ADGRL3: variants seen among roughly 807,000 people sequenced by gnomAD.
ADGRL3 encodes calcium-independent alpha-latrotoxin receptor 3.
A neutral mutation model predicts 153.5 loss-of-function variants in ADGRL3; 62 were observed. The ratio of observed to expected loss-of-function variants is 0.40; its 90% CI spans 0.33 to 0.50. The LOEUF (loss-of-function observed/expected upper bound fraction) is 0.50. Among genes scored for constraint, ADGRL3 ranks in the 20% least tolerant of loss-of-function variants. The pLI is 0.47. For synonymous variants in ADGRL3, 710 were observed against 672.5 expected (o/e 1.06, Z -0.86); for missense variants, 1,641 against 1,859.4 (o/e 0.88, Z 2.16).
chr4:61,246,256 T>A (rs919090223), intron 1 of ADGRL3, among the ~76,000 whole-genome samples: 9 of 151,972 alleles, frequency 5.9e-5, no homozygotes, highest in Non-Finnish European at 1.5e-5. Context: ...AAAGCCCAAG[T>A]CCCTTATTAC....
At chr4:61,766,891 C>G (rs2096989509) in intron 8 of ADGRL3, among the ~76,000 whole-genome samples, 1 of 152,066 alleles carries the variant, frequency 6.6e-6, no homozygotes, top group African/African-American at 2.4e-5. Flanking sequence ...TGATGAGGCG[C>G]AGATCCTGAA....
At position 61,936,060 on chromosome 4, in the gene ADGRL3, A is replaced by T; in HGVS notation, c.2419+15A>T. 6.2e-7 allele frequency: 1 copy of T among 1,608,934 alleles called. No homozygotes were observed. Among genetic ancestry groups the T allele is most frequent in the Non-Finnish European group, 8.5e-7 (1 of 1,177,522 alleles). On this transcript the variant is annotated intron_variant, in intron 15 of 26. Coordinates refer to ENST00000683033, the MANE Select transcript of ADGRL3 (RefSeq NM_001387552.1). ...TGGCCGAAATGGTAGGTTAGAGTTT[A>T]TTTTTTAAGCTTGAGGGAATTGAAC... is the stretch of plus-strand genomic sequence containing the variant.
intron 2 of ADGRL3, among the ~76,000 whole-genome samples, chr4:61,417,725 AG>A (rs2097160223): frequency 6.6e-6 from 1 of 151,056 alleles, no homozygotes; most frequent in Non-Finnish European, 1.5e-5. Flanking sequence ...TCACTTTTAG[AG>A]GAGGTGCATA....
At chr4:61,378,427 G>C (rs2096629948) in intron 1 of ADGRL3, among the ~76,000 whole-genome samples, 1 of 151,924 alleles carries the variant, frequency 6.6e-6, no homozygotes, top group Admixed American at 6.6e-5. Context: ...GTGCATTTAG[G>C]ACTAAACTTT....
chr4:61,448,049 A>G (rs2097608198), intron 2 of ADGRL3, among the ~76,000 whole-genome samples: 1 of 152,188 alleles, frequency 6.6e-6, no homozygotes, highest in African/African-American at 2.4e-5. Context: ...ATAGATGAGT[A>G]TAGTGAAAGT....
At chr4:61,717,753 G>A (rs1161410588) in intron 6 of ADGRL3, among the ~76,000 whole-genome samples, 1 of 152,008 alleles carries the variant, frequency 6.6e-6, no homozygotes, top group African/African-American at 2.4e-5. Context: ...GCATAATGGG[G>A]CTGGGCATTG....
At chr4:61,227,512 A>G (rs1219387957) in intron 1 of ADGRL3, among the ~76,000 whole-genome samples, 3 of 152,134 alleles carry the variant, frequency 2.0e-5, no homozygotes, top group East Asian at 1.9e-4. Context: ...CCCAGCCCTC[A>G]TTTTCTCATT....
chr4:61,542,981 A>G (rs1012621388), intron 4 of ADGRL3, among the ~76,000 whole-genome samples: 5 of 151,974 alleles, frequency 3.3e-5, no homozygotes, highest in African/African-American at 1.2e-4. Context: ...CCCATCTTCC[A>G]CTTTTCTTTA....
rs115831269 is a variant in ADGRL3 at position 61,595,758 on chromosome 4, C to T, written c.473+8318C>T. 5.5e-3 allele frequency among the ~76,000 whole-genome samples: 833 copies of T among 152,248 alleles called. 13 individuals are homozygous for T. Among genetic ancestry groups the T allele is most frequent in the African/African-American group, 0.019 (788 of 41,558 alleles). On this transcript the variant is annotated intron_variant, in intron 5 of 26. Transcript: ENST00000683033. ...TTGCAGTCCTTGTGTCCCAAATCTC[C>T]TTTCAAGTTTACCTAGGACCCCAGA...
chr4:62,072,217 A>AT lies in ADGRL3; in HGVS notation c.*1316dup, dbSNP rs1745894395. 1 of 152,644 alleles carries AT rather than the reference A, an allele frequency of 6.6e-6. No homozygotes were observed. Among genetic ancestry groups the AT allele is most frequent in the East Asian group, 1.9e-4 (1 of 5,176 alleles). The allele number at this position is 152,644 out of a possible 1,614,324, so 9.5% of individuals were successfully genotyped here. On this transcript the variant is annotated 3_prime_UTR_variant, in exon 27 of 27. Transcript: ENST00000683033. ...TGGAAGGTCAAATTATTTTGAAGTG[A>AT]TTTTTTTAAAAAAAAGTCTTCTGTT...
At chr4:61,736,248 A>G (rs1170231712) in intron 8 of ADGRL3, among the ~76,000 whole-genome samples, 1 of 152,132 alleles carries the variant, frequency 6.6e-6, no homozygotes, top group African/African-American at 2.4e-5. Flanking sequence ...TGTGAACATA[A>G]GGAAAATTAT....
At chr4:61,640,240 A>T (rs2093605103) in intron 5 of ADGRL3, among the ~76,000 whole-genome samples, 1 of 152,146 alleles carries the variant, frequency 6.6e-6, no homozygotes, top group Non-Finnish European at 1.5e-5. Flanking sequence ...TAGAAAAAAA[A>T]ATGCAAAAAA....
At chr4:61,638,342 T>G (rs1221619351) in intron 5 of ADGRL3, among the ~76,000 whole-genome samples, 2 of 152,128 alleles carry the variant, frequency 1.3e-5, no homozygotes, top group African/African-American at 4.8e-5. Flanking sequence ...GAGTTGTTTT[T>G]GGGGGCCAGT....
At chr4:61,252,665 T>A (rs1230303194) in intron 1 of ADGRL3, among the ~76,000 whole-genome samples, 2 of 149,412 alleles carry the variant, frequency 1.3e-5, no homozygotes, top group African/African-American at 4.9e-5. Flanking sequence ...TCGTTTCTGA[T>A]TTCGTTTGTC....
rs143199313 is a variant in ADGRL3 at position 61,311,462 on chromosome 4, T to C, written c.-239-71662T>C. On this transcript the variant is annotated intron_variant, in intron 1 of 26. Coordinates refer to ENST00000683033, the MANE Select transcript of ADGRL3 (RefSeq NM_001387552.1). ...GATCTGGGAAGAGTAATCTTTTCTG[T>C]GTATTCAGGAAGAAGAAACAATGTG... Among the ~76,000 whole-genome samples, 149 of 152,302 alleles carry C rather than the reference T, an allele frequency of 9.8e-4. 1 individual carries two copies. Among genetic ancestry groups the C allele is most frequent in the African/African-American group, 3.5e-3 (146 of 41,574 alleles).
chr4:61,527,358 A>G (rs964996349), intron 4 of ADGRL3, among the ~76,000 whole-genome samples: 27 of 152,060 alleles, frequency 1.8e-4, no homozygotes, highest in African/African-American at 6.0e-4. Context: ...TTTATTTCTT[A>G]CCTTTATGTT....
intron 5 of ADGRL3, among the ~76,000 whole-genome samples, chr4:61,636,967 A>G (rs959496383): frequency 6.6e-6 from 1 of 152,136 alleles, no homozygotes; most frequent in East Asian, 1.9e-4. Flanking sequence ...AAGGTATACT[A>G]TTATAAGGTT....
intron 11 of ADGRL3, 57 bp from the exon 12 acceptor site, chr4:61,909,503 G>A (rs2098712016): frequency 1.0e-5 from 12 of 1,164,844 alleles, no homozygotes; most frequent in Non-Finnish European, 9.8e-6. Flanking sequence ...TTGAAAGAAA[G>A]CAATAAAAGT....
intron 8 of ADGRL3, among the ~76,000 whole-genome samples, chr4:61,757,797 T>A (rs962408521): frequency 2.0e-5 from 3 of 152,242 alleles, no homozygotes; most frequent in African/African-American, 7.2e-5. Context: ...TTTAAATGTG[T>A]CCCAGAGATT....
Sources: allele counts gnomAD v4.1 joint callset (sites outside exome capture counted in the v4.1 genomes callset), GRCh38; gene constraint gnomAD v4.1.1; transcripts MANE v1.5; gene names NCBI Gene and HGNC (gene_info 2026-07-23, HGNC 2026-07-21).